PSMA8: variants seen among roughly 807,000 people sequenced by gnomAD.
PSMA8 encodes proteasome subunit alpha-type 8.
PSMA8 carries 18 observed loss-of-function variants against 32.4 expected under a neutral mutation model. The observed-to-expected ratio is 0.56, with a 90% CI of 0.38 to 0.82. The LOEUF (loss-of-function observed/expected upper bound fraction) is 0.82, where lower values mean the gene tolerates loss of function less well. PSMA8 is among the 40% of genes least tolerant of loss of function. The pLI is 0.00. For missense variants in PSMA8, 298 were observed against 300.7 expected (o/e 0.99, Z 0.07); for synonymous variants, 104 against 98.1 (o/e 1.06, Z -0.36).
chr18:26,172,949 G>C (rs1262141307), intron 4 of PSMA8, among the ~76,000 whole-genome samples: 2 of 152,126 alleles, frequency 1.3e-5, no homozygotes, highest in African/African-American at 4.8e-5. Context: ...ATTCCTCAGG[G>C]TTGTTGGCCA....
Position 26,146,917 on chromosome 18 carries a change from C to T in PSMA8, c.229+2232C>T, listed in dbSNP as rs188729335. ...AAGCATAGCAGCTTCTGCTTTTGGGCGGCCTCAGTAAGCTTTCAATCATGG... is the reference window on the plus strand; with the variant it reads ...AAGCATAGCAGCTTCTGCTTTTGGGTGGCCTCAGTAAGCTTTCAATCATGG... On this transcript the variant is annotated intron_variant, in intron 2 of 6. Coordinates refer to ENST00000415576, the MANE Select transcript of PSMA8 (RefSeq NM_001025096.2). 1.7e-3 allele frequency among the ~76,000 whole-genome samples: 259 copies of T among 152,142 alleles called. 2 individuals are homozygous for T. The highest frequency in any genetic ancestry group is 6.1e-3 in the African/African-American group (255 of 41,498).
At chr18:26,185,775 A>G (rs1483208243) in intron 6 of PSMA8, among the ~76,000 whole-genome samples, 1 of 150,978 alleles carries the variant, frequency 6.6e-6, no homozygotes, top group African/African-American at 2.4e-5. Flanking sequence ...CCAAATTTCA[A>G]TGTATATAGA....
rs1308658881 is a variant in PSMA8 at position 26,171,158 on chromosome 18, T to C, written c.478-7672T>C. 33 of 1,559,170 alleles carry C rather than the reference T, an allele frequency of 2.1e-5. 3 individuals carry two copies. Among genetic ancestry groups the C allele is most frequent in the Admixed American group, 1.3e-4 (7 of 54,992 alleles). On this transcript the variant is annotated intron_variant, in intron 4 of 6. Transcript: ENST00000415576. ...TCACCAGATTCTGTTTACCTTCTAC[T>C]GAAGAGGTTGTGGTCATTCTCTGGA...
chr18:26,135,921 T>C (rs2054908062), intron 1 of PSMA8, among the ~76,000 whole-genome samples: 2 of 152,338 alleles, frequency 1.3e-5, no homozygotes, highest in South Asian at 2.1e-4. Flanking sequence ...GAGTTATTCA[T>C]TGTGTTTCCT....
chr18:26,174,799 T>C (rs1336076811), intron 4 of PSMA8, among the ~76,000 whole-genome samples: 1 of 152,268 alleles, frequency 6.6e-6, no homozygotes, highest in Non-Finnish European at 1.5e-5. Flanking sequence ...TTTTGTTAGC[T>C]ATTTAAAGAA....
chr18:26,158,487 G>A (rs1336967803), intron 4 of PSMA8, among the ~76,000 whole-genome samples: 4 of 152,152 alleles, frequency 2.6e-5, no homozygotes, highest in Non-Finnish European at 4.4e-5. Context: ...GGCCAAGTAA[G>A]AGAAATATCC....
chr18:26,176,462 G>T (rs745652646), intron 4 of PSMA8, among the ~76,000 whole-genome samples: 41 of 152,192 alleles, frequency 2.7e-4, no homozygotes, highest in African/African-American at 8.9e-4. Flanking sequence ...TAATTTAGAA[G>T]TTTCAACAGC....
Position 26,171,095 on chromosome 18 carries a change from C to A in PSMA8, c.478-7735C>A, listed in dbSNP as rs1400720216. 1.3e-6 allele frequency: 2 copies of A among 1,559,576 alleles called. 1 individual carries two copies. Among genetic ancestry groups the A allele is most frequent in the African/African-American group, 4.6e-5 (2 of 43,526 alleles). On this transcript the variant is annotated intron_variant, in intron 4 of 6. Transcript: ENST00000415576. ...TAATTCTACCCTTTAAAGGTCGATTCTTCTCAGGAATGGAGAACCAGGTCT... is the reference window on the plus strand; with the variant it reads ...TAATTCTACCCTTTAAAGGTCGATTATTCTCAGGAATGGAGAACCAGGTCT...
At chr18:26,159,008 G>A (rs567463419) in intron 4 of PSMA8, among the ~76,000 whole-genome samples, 21 of 151,674 alleles carry the variant, frequency 1.4e-4, no homozygotes, top group Non-Finnish European at 2.5e-4. Context: ...CCTGCCCCCC[G>A]CAAAAAACAC....
intron 4 of PSMA8, among the ~76,000 whole-genome samples, chr18:26,163,211 GTGTATATATATATATATA>G (rs1568062590): frequency 1.1e-5 from 1 of 94,638 alleles, no homozygotes. Context: ...TTATGTGTGT[GTGTATATATATATATATA>G]TATATATATA....
At position 26,192,468 on chromosome 18, in the gene PSMA8, T is replaced by G. The variant is rs926414057; in HGVS notation, c.*57T>G. On this transcript the variant is annotated 3_prime_UTR_variant, in exon 7 of 7. Coordinates refer to ENST00000415576, the MANE Select transcript of PSMA8 (RefSeq NM_001025096.2). Reference sequence around the variant, plus strand: ...TTTTGTTTTATTGTACTGCCTGAGGTTGTTTAGTGAAATTTTAGAGGAAAA... The same window carrying G: ...TTTTGTTTTATTGTACTGCCTGAGGGTGTTTAGTGAAATTTTAGAGGAAAA... The G allele has an allele frequency of 6.8e-7, 1 of 1,475,808 alleles. No homozygotes were observed. The highest frequency in any genetic ancestry group is 8.9e-7 in the Non-Finnish European group (1 of 1,121,062). 91.4% of individuals were successfully genotyped at this position (1,475,808 alleles called of 1,614,324 possible).
At chr18:26,165,859 G>T (rs1224392257) in intron 4 of PSMA8, among the ~76,000 whole-genome samples, 1 of 152,122 alleles carries the variant, frequency 6.6e-6, no homozygotes, top group Admixed American at 6.6e-5. Context: ...ACTTTGGGAG[G>T]CCGAGGCAGG....
intron 2 of PSMA8, among the ~76,000 whole-genome samples, chr18:26,150,192 G>T (rs2055034087): frequency 6.6e-6 from 1 of 152,156 alleles, no homozygotes; most frequent in Non-Finnish European, 1.5e-5. Flanking sequence ...AAACACTTCT[G>T]ATCCCAAGCA....
intron 6 of PSMA8, among the ~76,000 whole-genome samples, chr18:26,181,964 T>C (rs2055315734): frequency 6.7e-6 from 1 of 149,872 alleles, no homozygotes; most frequent in African/African-American, 2.5e-5. Context: ...GATATGGAGG[T>C]TTTAGTGGCC....
chr18:26,172,214 CA>C (rs1219236664), intron 4 of PSMA8, among the ~76,000 whole-genome samples: 1 of 152,172 alleles, frequency 6.6e-6, no homozygotes, highest in Non-Finnish European at 1.5e-5. Flanking sequence ...ATAACACAAA[CA>C]AAAGCACTTT....
In PSMA8 at chr18:26,178,830, G is replaced by A; in HGVS notation, c.478G>A (p.Ala160Thr). The change falls in exon 5 of 7, where the codon GCA (alanine) becomes ACA (threonine). Residue 160 changes from alanine (A) to threonine (T), a missense_variant and splice_region_variant. Physicochemically the swap from Ala to Thr is moderately conservative, Grantham distance 58 (BLOSUM62 0). Coordinates refer to ENST00000415576, the MANE Select transcript of PSMA8 (RefSeq NM_001025096.2). ...DPSGTYHAWK[A>T]NAIGRSAKTV... The stretch of plus-strand genomic sequence containing the variant: ...AATAAATTAACTTTTATTTTTCAAG[G>A]CAAATGCAATAGGCCGAAGTGCTAA... The A allele has an allele frequency of 2.5e-6, 4 of 1,605,582 alleles. No individual in the cohort carries two copies. Among genetic ancestry groups the A allele is most frequent in the Non-Finnish European group, 3.4e-6 (4 of 1,177,528 alleles).
At chr18:26,183,178 G>A (rs1030198804) in intron 6 of PSMA8, among the ~76,000 whole-genome samples, 2 of 149,892 alleles carry the variant, frequency 1.3e-5, no homozygotes, top group Non-Finnish European at 3.0e-5. Flanking sequence ...GATTGCTTGA[G>A]GTCAGGAGTT....
At chr18:26,181,505 T>G (rs2055311193) in intron 6 of PSMA8, among the ~76,000 whole-genome samples, 1 of 152,254 alleles carries the variant, frequency 6.6e-6, no homozygotes, top group East Asian at 1.9e-4. Context: ...GTCTGTCACA[T>G]GAGTTTTAAA....
chr18:26,142,757 T>G (rs956158144), intron 1 of PSMA8, among the ~76,000 whole-genome samples: 3 of 152,214 alleles, frequency 2.0e-5, no homozygotes, highest in African/African-American at 7.2e-5. Flanking sequence ...TTTCTTGCTG[T>G]GTCCTCACAT....
Sources: gnomAD v4.1 joint callset for allele counts (sites outside exome capture counted in the v4.1 genomes callset) on GRCh38, gnomAD v4.1.1 for gene constraint, MANE v1.5 for transcripts, NCBI Gene and HGNC (gene_info 2026-07-23, HGNC 2026-07-21) for gene names.